The following PSMA1 variants were observed in gnomAD, a reference collection of about 807,000 sequenced individuals.
PSMA1 encodes the protein proteasome 20S subunit alpha 1, also known as proteasome subunit alpha type-1.
In PSMA1, 3 loss-of-function variants were observed where a neutral mutation model predicts 38.4. The observed-to-expected ratio is 0.08, with a 90% CI of 0.04 to 0.20. PSMA1 has a LOEUF of 0.20. PSMA1 is among the 10% of genes least tolerant of loss of function. The pLI is 1.00. For missense variants in PSMA1, 227 were observed against 325.3 expected (o/e 0.70, Z 2.32); for synonymous variants, 101 against 107.1 (o/e 0.94, Z 0.35).
chr11:14,571,353 G>A (rs1400763853), intron 2 of PSMA1, among the ~76,000 whole-genome samples: 4 of 152,158 alleles, frequency 2.6e-5, no homozygotes, highest in Non-Finnish European at 5.9e-5. Flanking sequence ...ATGAGCCATC[G>A]TGCCAGGCCT....
Position 14,534,521 on chromosome 11 carries a change from G to A in PSMA1, c.22-15480C>T, listed in dbSNP as rs1382100369. On this transcript the variant is annotated intron_variant, in intron 2 of 10. Transcript: ENST00000418988. The surrounding 1 kb of genome is among the most constrained non-coding windows in gnomAD (Gnocchi z 4.5). ...TATTTTTAGGACAGGCTTTTGCTCT[G>A]TTGCCCAGGCTGGAGTGCAGTGGTG... is the stretch of plus-strand genomic sequence containing the variant. 1.3e-5 allele frequency among the ~76,000 whole-genome samples: 2 copies of A among 152,036 alleles called. No homozygotes were observed. The highest frequency in any genetic ancestry group is 2.9e-5 in the Non-Finnish European group (2 of 68,022).
intron 2 of PSMA1, among the ~76,000 whole-genome samples, chr11:14,549,243 C>T (rs1326683007): frequency 3.3e-5 from 5 of 152,086 alleles, no homozygotes; most frequent in Non-Finnish European, 2.9e-5. Context: ...ATGGATTAAC[C>T]TCCTTTGCTC....
intron 1 of PSMA1, among the ~76,000 whole-genome samples, chr11:14,638,139 C>T (rs993648429): frequency 2.6e-5 from 4 of 152,208 alleles, no homozygotes; most frequent in Non-Finnish European, 5.9e-5. Context: ...TTTAAGTAAC[C>T]TCCAAGGTCA....
intron 2 of PSMA1, among the ~76,000 whole-genome samples, chr11:14,552,821 T>C (rs1424946470): frequency 1.8e-5 from 1 of 55,534 alleles, no homozygotes; most frequent in African/African-American, 1.4e-4. Flanking sequence ...CTTATATAAC[T>C]TTTTTTTTTT....
intron 2 of PSMA1, among the ~76,000 whole-genome samples, chr11:14,593,202 G>C: frequency 6.6e-6 from 1 of 152,196 alleles, no homozygotes; most frequent in East Asian, 1.9e-4. Flanking sequence ...TACATAGCTA[G>C]AAAGTGGCAG....
At chr11:14,574,693 C>T (rs567703655) in intron 2 of PSMA1, among the ~76,000 whole-genome samples, 1 of 152,218 alleles carries the variant, frequency 6.6e-6, no homozygotes, top group Non-Finnish European at 1.5e-5. Context: ...GCACTTCTTT[C>T]CCCTGCCACC....
intron 2 of PSMA1, among the ~76,000 whole-genome samples, chr11:14,527,828 C>T (rs1851603511): frequency 6.6e-6 from 1 of 152,150 alleles, no homozygotes; most frequent in Admixed American, 6.5e-5. Flanking sequence ...CCTCAAACTG[C>T]CACCCTTAAG....
chr11:14,548,745 CATAA>C (rs1851854642), intron 2 of PSMA1, among the ~76,000 whole-genome samples: 2 of 152,134 alleles, frequency 1.3e-5, no homozygotes, highest in Admixed American at 1.3e-4. Context: ...TAACCAAGAA[CATAA>C]ATAAATTAAT....
intron 2 of PSMA1, among the ~76,000 whole-genome samples, chr11:14,602,351 T>C (rs952181254): frequency 2.0e-5 from 3 of 152,216 alleles, no homozygotes; most frequent in Non-Finnish European, 4.4e-5. Context: ...CTTTGGGACA[T>C]TTGTTTGGGA....
intron 1 of PSMA1, among the ~76,000 whole-genome samples, chr11:14,638,572 TATATATATATA>T (rs1853153088): frequency 8.1e-5 from 2 of 24,704 alleles, no homozygotes; most frequent in African/African-American, 1.6e-4. Context: ...TATATATATA[TATATATATATA>T]TATTTTTTTT....
At chr11:14,573,967 AAAAC>A (rs1441042397) in intron 2 of PSMA1, among the ~76,000 whole-genome samples, 1 of 152,216 alleles carries the variant, frequency 6.6e-6, no homozygotes, top group Non-Finnish European at 1.5e-5. Context: ...TCTAAGCAGC[AAAAC>A]ATTCAAGAAT....
Position 14,534,810 on chromosome 11 carries a change from G to A in PSMA1, c.22-15769C>T, listed in dbSNP as rs997488467. Among the ~76,000 whole-genome samples the A allele has an allele frequency of 2.0e-5, 3 of 152,108 alleles. No homozygotes were observed. Among genetic ancestry groups the A allele is most frequent in the South Asian group, 2.1e-4 (1 of 4,822 alleles). On this transcript the variant is annotated intron_variant, in intron 2 of 10. Transcript: ENST00000418988. The surrounding 1 kb of genome is among the most constrained non-coding windows in gnomAD (Gnocchi z 4.5). ...AACCTGCTTATAGGAGGCCAGGTGC[G>A]GTGGCTCACGCCTGTAATCCCAGCA... is the stretch of plus-strand genomic sequence containing the variant.
intron 2 of PSMA1, among the ~76,000 whole-genome samples, chr11:14,553,826 G>T (rs545371341): frequency 6.6e-6 from 1 of 152,116 alleles, no homozygotes; most frequent in East Asian, 1.9e-4. Flanking sequence ...CATTACTCTG[G>T]GTAAATGCCT....
chr11:14,548,267 T>C (rs1187063396), intron 2 of PSMA1, among the ~76,000 whole-genome samples: 1 of 152,204 alleles, frequency 6.6e-6, no homozygotes, highest in East Asian at 1.9e-4. Context: ...ACTATTATTA[T>C]GTTCACAAAA....
chr11:14,537,711 C>CT (rs368892641), intron 2 of PSMA1, among the ~76,000 whole-genome samples: 45,545 of 138,306 alleles, frequency 0.33, 8,066 homozygotes, highest in South Asian at 0.44. Context: ...TAAAATTACC[C>CT]TTTTTTTTTT....
chr11:14,507,784 G>T lies in PSMA1; in HGVS notation c.625-18C>A. On this transcript the variant is annotated intron_variant, in intron 8 of 9. Coordinates refer to ENST00000396394, the MANE Select transcript of PSMA1 (RefSeq NM_002786.4). ...GAAACATTCTGAAGGGTAAAATATG[G>T]TAAAAGTAAAATAAGAGAATTTGGA... 1 of 1,447,728 alleles carries T rather than the reference G, an allele frequency of 6.9e-7. No homozygotes were observed. The highest frequency in any genetic ancestry group is 9.6e-7 in the Non-Finnish European group (1 of 1,040,154). The allele number at this position is 1,447,728 out of a possible 1,614,324, so 89.7% of individuals were successfully genotyped here.
rs371913230 is a variant in PSMA1 at position 14,513,902 on chromosome 11, C to A, written c.344-15G>T. The A allele has an allele frequency of 1.5e-4, 234 of 1,577,338 alleles. No homozygotes were observed. Among genetic ancestry groups the A allele is most frequent in the Non-Finnish European group, 1.4e-4 (164 of 1,168,076 alleles). ...TATCTGGGTCTCTTAGACTGGTTAA[C>A]GAGCTTGTTTTAACAAGGAATGAAG... On this transcript the variant is annotated splice_polypyrimidine_tract_variant and intron_variant, in intron 5 of 9. Transcript: ENST00000396394.
At chr11:14,520,621 A>C, upstream of PSMA1, 1 of 607,326 alleles carries the variant, frequency 1.6e-6, no homozygotes, top group Middle Eastern at 5.2e-4. Context: ...TGTATGGCGG[A>C]TTCCCTCCAG....
At chr11:14,631,990 C>T (rs368937820) in intron 1 of PSMA1, among the ~76,000 whole-genome samples, 25 of 140,012 alleles carry the variant, frequency 1.8e-4, no homozygotes, top group African/African-American at 6.7e-4. Context: ...GATTGCAACC[C>T]CTGCCTTTTT....
Sources: gnomAD v4.1 joint callset for allele counts (sites outside exome capture counted in the v4.1 genomes callset) on GRCh38, gnomAD v4.1.1 for gene constraint, Gnocchi (gnomAD v3.1) non-coding constraint, MANE v1.5 for transcripts, NCBI Gene and HGNC (gene_info 2026-07-23, HGNC 2026-07-21) for gene names.